PARD3B: variants seen among roughly 807,000 people sequenced by gnomAD.
PARD3B encodes the protein par-3 family cell polarity regulator beta.
Under a neutral mutation model 130.2 loss-of-function variants are expected in PARD3B, and 103 were observed. The ratio of observed to expected loss-of-function variants is 0.79; its 90% confidence interval spans 0.67 to 0.93. The LOEUF (loss-of-function observed/expected upper bound fraction) is 0.93, where lower values mean the gene tolerates loss of function less well. Ranked by LOEUF, PARD3B falls within the 40% of genes least tolerant of loss-of-function variation. The probability of loss-of-function intolerance (pLI) is 0.00; values close to 1 mark genes in which losing one functional copy is unlikely to be tolerated. For synonymous variants in PARD3B, 583 were observed against 553.2 expected (o/e 1.05, Z -0.76); for missense variants, 1,609 against 1,499.2 (o/e 1.07, Z -1.21).
At chr2:205,475,014 C>T (rs1220446046) in intron 20 of PARD3B, among the ~76,000 whole-genome samples, 2 of 152,054 alleles carry the variant, frequency 1.3e-5, no homozygotes, top group Non-Finnish European at 2.9e-5. Flanking sequence ...CTGTTTCCTC[C>T]CTCAACAAAT....
At chr2:205,072,034 T>C (rs959175069) in intron 4 of PARD3B, among the ~76,000 whole-genome samples, 4 of 152,150 alleles carry the variant, frequency 2.6e-5, no homozygotes, top group Non-Finnish European at 4.4e-5. Context: ...TATTTCTTCT[T>C]AAAAATATAT....
chr2:205,259,089 T>C (rs754191201), intron 16 of PARD3B, among the ~76,000 whole-genome samples: 1 of 152,166 alleles, frequency 6.6e-6, no homozygotes, highest in Non-Finnish European at 1.5e-5. Flanking sequence ...TTTTATATGA[T>C]TTCCATTTTG....
intron 1 of PARD3B, among the ~76,000 whole-genome samples, chr2:204,667,636 T>C (rs1378846432): frequency 3.3e-5 from 5 of 152,156 alleles, no homozygotes; most frequent in Non-Finnish European, 7.4e-5. Context: ...GACTCTCTTC[T>C]AGTCTAATTT....
At chr2:204,861,863 T>C (rs900112023) in intron 2 of PARD3B, among the ~76,000 whole-genome samples, 1 of 143,162 alleles carries the variant, frequency 7.0e-6, no homozygotes, top group Non-Finnish European at 1.5e-5. Context: ...GCTTCAAGGC[T>C]TCAGTGGGGA....
intron 1 of PARD3B, among the ~76,000 whole-genome samples, chr2:204,628,632 G>T (rs1033090909): frequency 6.6e-6 from 1 of 152,092 alleles, no homozygotes; most frequent in African/African-American, 2.4e-5. Flanking sequence ...CAAGGTTAGG[G>T]AAAGTTGAAC....
At chr2:205,387,965 T>G (rs1262244139) in intron 18 of PARD3B, among the ~76,000 whole-genome samples, 1 of 152,076 alleles carries the variant, frequency 6.6e-6, no homozygotes, top group African/African-American at 2.4e-5. Flanking sequence ...TGGGCAGAAG[T>G]TTTCAATATC....
In PARD3B at chr2:204,677,867, G is replaced by T. The variant is rs2036626688; in HGVS notation, c.121-8314G>T. On this transcript the variant is annotated intron_variant, in intron 1 of 22. Coordinates refer to ENST00000406610, the MANE Select transcript of PARD3B (RefSeq NM_001302769.2). This position sits in a 1 kb window ranked among gnomAD's most constrained non-coding sequence, Gnocchi z 4.1. ...GACTTCTACACTCCTTTTGTTTTAG[G>T]ATTTGTCCTTATTCTTCTGAGGAAA... Among the ~76,000 whole-genome samples the T allele has an allele frequency of 6.6e-6, 1 of 152,108 alleles. No individual in the cohort carries two copies. The highest frequency in any genetic ancestry group is 2.1e-4 in the South Asian group (1 of 4,830).
rs1693202501 is a variant in PARD3B at position 204,545,529 on chromosome 2, G to GT, written c.-468dup. Among the ~76,000 whole-genome samples the GT allele has an allele frequency of 6.6e-6, 1 of 152,012 alleles. No homozygotes were observed. The highest frequency in any genetic ancestry group is 1.5e-5 in the Non-Finnish European group (1 of 67,982). ...AGAGGAGTTGGGAGCCGGCGCAAAA[G>GT]TTTCCTCCCAACTCTGGCCCCGTGC... On this transcript the variant is annotated 5_prime_UTR_variant, in exon 1 of 23. Transcript: ENST00000406610.
chr2:204,973,530 A>T (rs1234862339), intron 3 of PARD3B, among the ~76,000 whole-genome samples: 2 of 149,456 alleles, frequency 1.3e-5, no homozygotes, highest in East Asian at 3.9e-4. Context: ...CTGAGTGTGT[A>T]TGTGTGATTT....
At chr2:204,979,121 G>A (rs945941101) in intron 3 of PARD3B, among the ~76,000 whole-genome samples, 7 of 151,908 alleles carry the variant, frequency 4.6e-5, no homozygotes, top group Non-Finnish European at 8.8e-5. Context: ...CAGGAGAATG[G>A]CGTGAACCTG....
In PARD3B at chr2:204,664,095, C is replaced by T. The variant is rs1286376192; in HGVS notation, c.121-22086C>T. 6.6e-6 allele frequency among the ~76,000 whole-genome samples: 1 copy of T among 152,108 alleles called. No individual in the cohort carries two copies. Among genetic ancestry groups the T allele is most frequent in the African/African-American group, 2.4e-5 (1 of 41,406 alleles). Reference sequence around the variant, plus strand: ...TTTGATTTATGACCTGAGGCTAATACTGTGGCTTGGATATGTTCTAACCCC... The same window carrying T: ...TTTGATTTATGACCTGAGGCTAATATTGTGGCTTGGATATGTTCTAACCCC... On this transcript the variant is annotated intron_variant, in intron 1 of 22. Coordinates refer to ENST00000406610, the MANE Select transcript of PARD3B (RefSeq NM_001302769.2). This position sits in a 1 kb window ranked among gnomAD's most constrained non-coding sequence, Gnocchi z 5.2.
chr2:205,017,575 G>T (rs1696247379), intron 3 of PARD3B, among the ~76,000 whole-genome samples: 1 of 152,272 alleles, frequency 6.6e-6, no homozygotes, highest in South Asian at 2.1e-4. Context: ...CATCTGCCCA[G>T]CCTGGATGGC....
intron 3 of PARD3B, among the ~76,000 whole-genome samples, chr2:205,016,399 C>T (rs139849181): frequency 1.3e-5 from 2 of 152,274 alleles, no homozygotes; most frequent in South Asian, 2.1e-4. Context: ...CGTACCTTCA[C>T]GTGTCTTTCA....
At position 205,325,208 on chromosome 2, in the gene PARD3B, TCA is replaced by T. The variant is rs2042897930; in HGVS notation, c.2630+23510_2630+23511del. On this transcript the variant is annotated intron_variant, in intron 18 of 22. Transcript: ENST00000406610. The surrounding 1 kb of genome is among the most constrained non-coding windows in gnomAD (Gnocchi z 4.1). ...TTCTACCAAAATTTTTGCTGTGGTT[TCA>T]CAGTTTCTTGAAGAGCTTAGATTTC... Among the ~76,000 whole-genome samples, 1 of 152,222 alleles carries T rather than the reference TCA, an allele frequency of 6.6e-6. No individual in the cohort carries two copies. The highest frequency in any genetic ancestry group is 2.1e-4 in the South Asian group (1 of 4,832).
chr2:204,627,987 T>G (rs1481656431), intron 1 of PARD3B, among the ~76,000 whole-genome samples: 30 of 19,192 alleles, frequency 1.6e-3, no homozygotes, highest in Admixed American at 2.1e-3. Flanking sequence ...TTTTTTGCGT[T>G]TTTTTTTTTT....
chr2:205,473,833 T>C lies in PARD3B; in HGVS notation c.3045-26063T>C, dbSNP rs2048935100. On this transcript the variant is annotated intron_variant, in intron 20 of 22. Transcript: ENST00000406610. This position sits in a 1 kb window ranked among gnomAD's most constrained non-coding sequence, Gnocchi z 4.9. ...TCTTACGAAAGGGGAGATATTCTTT[T>C]CTTTGTTACGTTTAAATGAACTTCA... Among the ~76,000 whole-genome samples, 1 of 150,934 alleles carries C rather than the reference T, an allele frequency of 6.6e-6. No individual in the cohort carries two copies. The highest frequency in any genetic ancestry group is 1.5e-5 in the Non-Finnish European group (1 of 67,718).
intron 2 of PARD3B, among the ~76,000 whole-genome samples, chr2:204,699,648 T>A (rs1278722418): frequency 6.6e-6 from 1 of 152,082 alleles, no homozygotes; most frequent in Admixed American, 6.6e-5. Flanking sequence ...GTAATGAATG[T>A]TACAATAAGA....
intron 16 of PARD3B, among the ~76,000 whole-genome samples, chr2:205,249,174 A>C (rs2039724610): frequency 1.5e-5 from 2 of 132,836 alleles, no homozygotes; most frequent in Admixed American, 1.4e-4. Context: ...GTGCCCGGCT[A>C]ATTTTTTTTT....
At chr2:205,477,605 A>AAAT (rs1553520977) in intron 20 of PARD3B, among the ~76,000 whole-genome samples, 17 of 152,050 alleles carry the variant, frequency 1.1e-4, no homozygotes, top group African/African-American at 2.7e-4. Flanking sequence ...TTAAAAAAAA[A>AAAT]AATAAGCACA....
Sources: allele counts gnomAD v4.1 joint callset (sites outside exome capture counted in the v4.1 genomes callset), GRCh38; gene constraint gnomAD v4.1.1; non-coding constraint Gnocchi (gnomAD v3.1); transcripts MANE v1.5; gene names NCBI Gene and HGNC (gene_info 2026-07-23, HGNC 2026-07-21).